Variants in GFRA2 observed in about 807,000 individuals in gnomAD.
The protein encoded by GFRA2 is GDNF family receptor alpha 2, also known as GDNF family receptor alpha-2.
A neutral mutation model predicts 48.3 loss-of-function variants in GFRA2; 17 were observed. The ratio of observed to expected loss-of-function variants is 0.35; its 90% CI spans 0.24 to 0.53. The LOEUF (loss-of-function observed/expected upper bound fraction) is 0.53. Ranked by LOEUF, GFRA2 falls within the 20% of genes least tolerant of loss-of-function variation. GFRA2 has a pLI of 0.93. For missense variants in GFRA2, 660 were observed against 637.3 expected (o/e 1.04, Z -0.38); for synonymous variants, 305 against 257.2 (o/e 1.19, Z -1.78).
At chr8:21,732,259 CT>C (rs1804236082) in intron 4 of GFRA2, among the ~76,000 whole-genome samples, 1 of 152,250 alleles carries the variant, frequency 6.6e-6, no homozygotes, top group African/African-American at 2.4e-5. Flanking sequence ...GTCAGGAAGT[CT>C]GGTTGTGTCT....
chr8:21,732,438 G>C (rs945120447), intron 4 of GFRA2, among the ~76,000 whole-genome samples: 1 of 152,236 alleles, frequency 6.6e-6, no homozygotes, highest in African/African-American at 2.4e-5. Flanking sequence ...ATGGCAGTGA[G>C]GGATGAGTCT....
chr8:21,760,745 G>T (rs1009397886), intron 3 of GFRA2, among the ~76,000 whole-genome samples: 21 of 152,196 alleles, frequency 1.4e-4, no homozygotes, highest in African/African-American at 4.8e-4. Context: ...ACTCAGTGAG[G>T]CGCCACAGGT....
At chr8:21,757,836 A>G (rs1029876175) in intron 3 of GFRA2, among the ~76,000 whole-genome samples, 2 of 152,200 alleles carry the variant, frequency 1.3e-5, no homozygotes, top group African/African-American at 4.8e-5. Context: ...GAATCTGTTT[A>G]ACTCCTTATT....
At chr8:21,695,373 AAGC>A in intron 7 of GFRA2, among the ~76,000 whole-genome samples, 1 of 152,230 alleles carries the variant, frequency 6.6e-6, no homozygotes, top group Non-Finnish European at 1.5e-5. Context: ...TGGCCACCAA[AAGC>A]AACTGGGAAG....
At chr8:21,783,647 C>G (rs1200937990) in intron 1 of GFRA2, among the ~76,000 whole-genome samples, 5 of 152,002 alleles carry the variant, frequency 3.3e-5, no homozygotes, top group African/African-American at 1.2e-4. Flanking sequence ...CCCCTCCACA[C>G]CTTCTAGTCC....
chr8:21,767,777 A>G (rs1392361839), intron 3 of GFRA2, among the ~76,000 whole-genome samples: 1 of 152,232 alleles, frequency 6.6e-6, no homozygotes, highest in Non-Finnish European at 1.5e-5. Flanking sequence ...AAATACCACC[A>G]TGAAAGAGGC....
chr8:21,759,981 G>A (rs747347501), intron 3 of GFRA2, among the ~76,000 whole-genome samples: 1 of 151,926 alleles, frequency 6.6e-6, no homozygotes, highest in Non-Finnish European at 1.5e-5. Flanking sequence ...TAAAATGGCG[G>A]GCAGGAATGG....
chr8:21,798,429 C>G (rs891580256), intron 2 of GFRA2, among the ~76,000 whole-genome samples: 2 of 151,874 alleles, frequency 1.3e-5, no homozygotes, highest in African/African-American at 4.8e-5. Flanking sequence ...GTGCTCTCCT[C>G]ATCTCTGCTC....
chr8:21,712,971 C>T (rs1056946393), intron 4 of GFRA2, among the ~76,000 whole-genome samples: 4 of 148,214 alleles, frequency 2.7e-5, no homozygotes, highest in East Asian at 4.0e-4. Flanking sequence ...AGTCCAGCTT[C>T]GGCTCGGCAT....
chr8:21,788,868 C>T lies in GFRA2; in HGVS notation c.-709G>A, dbSNP rs1585346482. 1 of 885,784 alleles carries T rather than the reference C, an allele frequency of 1.1e-6. No homozygotes were observed. The highest frequency in any genetic ancestry group is 1.4e-6 in the Non-Finnish European group (1 of 739,194). 54.9% of individuals were successfully genotyped at this position (885,784 alleles called of 1,614,324 possible). A position where few individuals can be genotyped will look rare whatever the true frequency, so the allele number is the denominator to read the frequency against. ...GCTCGCTCTTTGCTCTCGCTCTCTC[C>T]AGCTCTCCCTCGCTCTCCTCTCTCC... On this transcript the variant is annotated 5_prime_UTR_variant, in exon 1 of 9. Coordinates refer to ENST00000524240, the MANE Select transcript of GFRA2 (RefSeq NM_001495.5).
intron 2 of GFRA2, among the ~76,000 whole-genome samples, chr8:21,794,932 C>A (rs1391684280): frequency 1.3e-5 from 2 of 152,214 alleles, no homozygotes; most frequent in Non-Finnish European, 2.9e-5. Flanking sequence ...CACTCAGGGC[C>A]ATTGATTTCT....
Position 21,764,357 on chromosome 8 carries a change from G to C in GFRA2, c.439+10615C>G, listed in dbSNP as rs148318728. Among the ~76,000 whole-genome samples the C allele has an allele frequency of 6.4e-3, 978 of 152,196 alleles. 57 individuals carry two copies. In the East Asian group the frequency reaches 0.14, roughly 22 times the overall value. On this transcript the variant is annotated intron_variant, in intron 3 of 8. Transcript: ENST00000524240. ...AGAAGCACACTAATCCCATTCATAA[G>C]GGCTCCACTCTCATGTCCTAATCAC...
chr8:21,728,157 G>A (rs1262751147), intron 4 of GFRA2, among the ~76,000 whole-genome samples: 5 of 151,666 alleles, frequency 3.3e-5, no homozygotes, highest in Non-Finnish European at 5.9e-5. Context: ...CCCGCCCACT[G>A]TGGTTCTCAA....
chr8:21,776,558 T>A (rs1344130635), intron 2 of GFRA2, among the ~76,000 whole-genome samples: 4 of 150,796 alleles, frequency 2.7e-5, no homozygotes, highest in Non-Finnish European at 4.4e-5. Flanking sequence ...GCAACCTCTA[T>A]CTCCTGGGTT....
chr8:21,751,435 G>C (rs1805290330), intron 3 of GFRA2, among the ~76,000 whole-genome samples: 1 of 152,290 alleles, frequency 6.6e-6, no homozygotes, highest in African/African-American at 2.4e-5. Flanking sequence ...GAGGAATTCT[G>C]GTGAGAGCCA....
At chr8:21,743,394 C>T (rs1209972095) in intron 4 of GFRA2, among the ~76,000 whole-genome samples, 1 of 152,200 alleles carries the variant, frequency 6.6e-6, no homozygotes, top group Non-Finnish European at 1.5e-5. Flanking sequence ...GCAATGCCAG[C>T]AGGGTTACCC....
chr8:21,704,968 G>A lies in GFRA2; in HGVS notation c.1045+17C>T. On this transcript the variant is annotated intron_variant, in intron 6 of 8. Coordinates refer to ENST00000524240, the MANE Select transcript of GFRA2 (RefSeq NM_001495.5). Reference sequence around the variant, plus strand: ...TGGGAGGGGCTGCTGGGGTTGGGGAGAACATCCAGAACTTACGGAGGCATG... The same window carrying A: ...TGGGAGGGGCTGCTGGGGTTGGGGAAAACATCCAGAACTTACGGAGGCATG... 1 of 1,599,174 alleles carries A rather than the reference G, an allele frequency of 6.3e-7. No homozygotes were observed. Among genetic ancestry groups the A allele is most frequent in the Non-Finnish European group, 8.5e-7 (1 of 1,170,304 alleles).
At chr8:21,766,863 CCA>C (rs369457524) in intron 3 of GFRA2, among the ~76,000 whole-genome samples, 12 of 892 alleles carry the variant, frequency 0.013, no homozygotes, top group East Asian at 0.095. Flanking sequence ...ACACCCTGTC[CCA>C]CACACACCCG....
chr8:21,739,582 C>T (rs1804650539), intron 4 of GFRA2, among the ~76,000 whole-genome samples: 1 of 152,188 alleles, frequency 6.6e-6, no homozygotes, highest in Admixed American at 6.5e-5. Context: ...CCCAAAAGGG[C>T]CCTGAAGCTG....
Sources: allele counts gnomAD v4.1 joint callset (sites outside exome capture counted in the v4.1 genomes callset), GRCh38; gene constraint gnomAD v4.1.1; transcripts MANE v1.5; gene names NCBI Gene and HGNC (gene_info 2026-07-23, HGNC 2026-07-21).